NUP155: variants seen among roughly 807,000 people sequenced by gnomAD.
NUP155 encodes the protein nucleoporin 155.
In NUP155, 71 loss-of-function variants were observed where a neutral mutation model predicts 180.4. The ratio of observed to expected loss-of-function variants is 0.39; its 90% CI spans 0.33 to 0.48. The LOEUF (loss-of-function observed/expected upper bound fraction) is 0.48, where lower values mean the gene tolerates loss of function less well. Ranked by LOEUF, NUP155 falls within the 20% of genes least tolerant of loss-of-function variation. The probability of loss-of-function intolerance (pLI) is 0.91; values close to 1 mark genes in which losing one functional copy is unlikely to be tolerated. For synonymous variants in NUP155, 582 were observed against 559.5 expected, an observed-to-expected ratio of 1.04 and a Z score of -0.57; for missense variants, 1,553 against 1,648.9, an observed-to-expected ratio of 0.94 and a Z score of 1.01.
rs1747946023 is a variant in NUP155 at position 37,371,103 on chromosome 5, C to T, written c.-126G>A. 1.1e-6 allele frequency: 1 copy of T among 884,646 alleles called. No homozygotes were observed. Among genetic ancestry groups the T allele is most frequent in the Non-Finnish European group, 1.8e-6 (1 of 560,798 alleles). The allele number at this position is 884,646 out of a possible 1,614,324, so 54.8% of individuals were successfully genotyped here. A position where few individuals can be genotyped will look rare whatever the true frequency, so the allele number is the denominator to read the frequency against. ...GCGCCAAACGAGCGCCTTGGCGCCT[C>T]GACATGACGCACTTCCGCTTCATCC... On this transcript the variant is annotated 5_prime_UTR_variant, in exon 1 of 35. Transcript: ENST00000231498.
rs1407080363 is a variant in NUP155 at position 37,330,074 on chromosome 5, C to G, written c.1688G>C (p.Arg563Thr). 1 of 1,613,784 alleles carries G rather than the reference C, an allele frequency of 6.2e-7. No homozygotes were observed. Among genetic ancestry groups the G allele is most frequent in the Non-Finnish European group, 8.5e-7 (1 of 1,179,822 alleles). Reference protein sequence around the residue: ...ILACSTAACDREVSAWATRAF... With the variant: ...ILACSTAACDTEVSAWATRAF... ...CCGAGTAGCCCAGGCAGATACTTCTCTATCACAGGCAGCAGTGGAGCAAGC... is the reference window on the plus strand; with the variant it reads ...CCGAGTAGCCCAGGCAGATACTTCTGTATCACAGGCAGCAGTGGAGCAAGC... The change falls in exon 15 of 35, where the codon AGA (arginine) becomes ACA (threonine). Residue 563 changes from arginine to threonine, a missense_variant. By Grantham distance (71) the Arg-to-Thr change is moderately conservative (BLOSUM62 -1). Transcript: ENST00000231498.
chr5:37,364,411 A>G (rs1747416654), intron 1 of NUP155, 27 bp from the exon 2 acceptor site: 1 of 1,603,970 alleles, frequency 6.2e-7, no homozygotes, highest in Non-Finnish European at 8.5e-7. Flanking sequence ...AAGTATTTAT[A>G]ATAATGTACT....
chr5:37,365,738 A>AAAAAAAAT (rs1561818758), intron 1 of NUP155, among the ~76,000 whole-genome samples: 15 of 37,130 alleles, frequency 4.0e-4, no homozygotes, highest in Non-Finnish European at 5.0e-4. Flanking sequence ...AAAAAAAAAA[A>AAAAAAAAT]ATATATATAT....
Position 37,291,957 on chromosome 5 carries a change from T to C in NUP155, c.4119A>G (p.Val1373=), listed in dbSNP as rs1742253731. ...ELQSMSSSVA[V]QAITGNFKSL... Reference sequence around the variant, plus strand: ...ATTTAAAATTCCCAGTGATGGCTTGTACTGCTACTGACGAGCTCATAGACT... The same window carrying C: ...ATTTAAAATTCCCAGTGATGGCTTGCACTGCTACTGACGAGCTCATAGACT... The change falls in exon 35 of 35, where the codon GTA becomes GTG. Residue 1373 remains valine, a synonymous_variant. Transcript: ENST00000231498. The C allele has an allele frequency of 3.1e-6, 5 of 1,613,972 alleles. No individual in the cohort carries two copies. The highest frequency in any genetic ancestry group is 1.7e-5 in the Admixed American group (1 of 60,010).
rs918846693 is a variant in NUP155 at position 37,332,915 on chromosome 5, C to T, written c.1518+548G>A. Among the ~76,000 whole-genome samples the T allele has an allele frequency of 1.7e-4, 26 of 151,862 alleles. 1 individual carries two copies. The highest frequency in any genetic ancestry group is 5.6e-4 in the African/African-American group (23 of 41,354). ...GAGGTTGCCGTAAGCCAAGACTGTGCACCACACTCCAGCCTGGGTGACAGA... is the reference window on the plus strand; with the variant it reads ...GAGGTTGCCGTAAGCCAAGACTGTGTACCACACTCCAGCCTGGGTGACAGA... On this transcript the variant is annotated intron_variant, in intron 13 of 34. Coordinates refer to ENST00000231498, the MANE Select transcript of NUP155 (RefSeq NM_153485.3).
Position 37,317,989 on chromosome 5 carries a change from A to C in NUP155, c.2304T>G (p.His768Gln). 1 of 1,579,722 alleles carries C rather than the reference A, an allele frequency of 6.3e-7. No individual in the cohort carries two copies. The highest frequency in any genetic ancestry group is 8.7e-7 in the Non-Finnish European group (1 of 1,148,482). The change falls in exon 21 of 35, where the codon CAT becomes CAG. Residue 768 changes from histidine (H) to glutamine (Q), a missense_variant and splice_region_variant. Transcript: ENST00000231498. Reference sequence around the variant, plus strand: ...AACTGATGAGAAGCAATAATTTACCATGAAACTTCCTCTGCAGTTCCTGTT... The same window carrying C: ...AACTGATGAGAAGCAATAATTTACCCTGAAACTTCCTCTGCAGTTCCTGTT... Reference protein sequence around the residue: ...QMQQELQRKFHEAQLSEKISL... With the variant: ...QMQQELQRKFQEAQLSEKISL...
intron 29 of NUP155, 135 bp from the exon 30 acceptor site, chr5:37,301,685 A>G: frequency 2.9e-6 from 2 of 686,004 alleles, no homozygotes; most frequent in Non-Finnish European, 5.3e-6. Flanking sequence ...ATAATAGGCT[A>G]ATATTATCAT....
chr5:37,349,959 A>C (rs1682329336), intron 7 of NUP155, among the ~76,000 whole-genome samples: 1 of 152,212 alleles, frequency 6.6e-6, no homozygotes, highest in Non-Finnish European at 1.5e-5. Flanking sequence ...TTTATAGGAA[A>C]TAAGTAAACT....
chr5:37,337,619 T>G (rs554219037), intron 12 of NUP155, among the ~76,000 whole-genome samples, 199 bp downstream of exon 12: 1 of 152,256 alleles, frequency 6.6e-6, no homozygotes, highest in East Asian at 1.9e-4. Context: ...CTTTAAAGAT[T>G]TTTTTTGTGA....
intron 4 of NUP155, among the ~76,000 whole-genome samples, chr5:37,353,763 G>A (rs1198125171): frequency 6.6e-6 from 1 of 152,078 alleles, no homozygotes; most frequent in Non-Finnish European, 1.5e-5. Context: ...GACAAAAAGT[G>A]GAATGGTTAC....
Position 37,331,782 on chromosome 5 carries a change from A to C in NUP155, c.1532T>G (p.Phe511Cys). The C allele has an allele frequency of 6.2e-7, 1 of 1,606,968 alleles. No homozygotes were observed. The highest frequency in any genetic ancestry group is 1.1e-5 in the South Asian group (1 of 90,976). The change falls in exon 14 of 35, where the codon TTT becomes TGT. Residue 511 changes from phenylalanine (F) to cysteine (C), a missense_variant. Coordinates refer to ENST00000231498, the MANE Select transcript of NUP155 (RefSeq NM_153485.3). ...VLLSAQGSLMFHKLRPVDQLR... is the reference protein window; with the variant it reads ...VLLSAQGSLMCHKLRPVDQLR... ...TTGATCTACAGGTCTAAGTTTATGAAACATAAGGCTCCCCTAAGAAATTTG... is the reference window on the plus strand; with the variant it reads ...TTGATCTACAGGTCTAAGTTTATGACACATAAGGCTCCCCTAAGAAATTTG...
intron 18 of NUP155, 61 bp from the exon 19 acceptor site, chr5:37,326,028 T>G: frequency 5.0e-6 from 6 of 1,196,828 alleles, no homozygotes; most frequent in Non-Finnish European, 7.4e-6. Context: ...TACAATAAAT[T>G]TCTTTCTCTA....
chr5:37,292,136 G>GGTCTTTCCTCTCCTGT, intron 34 of NUP155, 98 bp from the exon 35 acceptor site: 1 of 1,138,294 alleles, frequency 8.8e-7, no homozygotes, highest in Non-Finnish European at 1.3e-6. Flanking sequence ...AATTCTCACA[G>GGTCTTTCCTCTCCTGT]GAGAGGAAAG....
intron 10 of NUP155, 120 bp from the exon 11 acceptor site, chr5:37,341,362 G>A (rs1272737636): frequency 7.9e-6 from 7 of 883,224 alleles, no homozygotes; most frequent in East Asian, 5.3e-5. Context: ...TAACTTTCCT[G>A]ACTAATTTTT....
At chr5:37,341,717 T>G (rs1027558523) in intron 10 of NUP155, among the ~76,000 whole-genome samples, 3 of 152,034 alleles carry the variant, frequency 2.0e-5, no homozygotes, top group African/African-American at 7.2e-5. Context: ...ATTTTTTGTG[T>G]TTTTAGTAGA....
Position 37,319,738 on chromosome 5 carries a change from G to A in NUP155, c.2208-1653C>T, listed in dbSNP as rs116783154. On this transcript the variant is annotated intron_variant, in intron 20 of 34. Transcript: ENST00000231498. ...ATAAAAAAATTAGCTGAGCATGGTA[G>A]CATGTGCCTGTAGTCCCAACTACTC... 1.3e-3 allele frequency among the ~76,000 whole-genome samples: 191 copies of A among 152,288 alleles called. 1 individual carries two copies. The highest frequency in any genetic ancestry group is 4.5e-3 in the African/African-American group (186 of 41,558).
chr5:37,349,315 T>C, intron 7 of NUP155, 70 bp from the exon 8 acceptor site: 1 of 490,402 alleles, frequency 2.0e-6, no homozygotes, highest in Non-Finnish European at 3.7e-6. Flanking sequence ...ATACATTAGC[T>C]AGTTACAACA....
chr5:37,294,225 CTAAG>C, intron 33 of NUP155, 100 bp downstream of exon 33: 1 of 780,894 alleles, frequency 1.3e-6, no homozygotes, highest in Admixed American at 2.4e-5. Context: ...TGTAATTAGA[CTAAG>C]TGATAGGATA....
rs1006817050 is a variant in NUP155, at chr5:37,307,412, C to T, written c.2788G>A (p.Val930Met). 2.1e-5 allele frequency: 34 copies of T among 1,613,934 alleles called. No individual in the cohort carries two copies. Among genetic ancestry groups the T allele is most frequent in the Non-Finnish European group, 2.8e-5 (33 of 1,179,948 alleles). Residue 930 changes from valine (V) to methionine (M), a missense_variant, in exon 25 of 35, where the codon GTG (valine) becomes ATG (methionine). By Grantham distance (21) the Val-to-Met change is conservative. Transcript: ENST00000231498. ...YRQVRFYEGV[V>M]ELSLTAAEKK... is the part of the protein sequence containing the mutation. ...TCTGCAGCCGTAAGAGAAAGTTCCA[C>T]CACACCCTCATAAAATCTCACTGAT...
Sources: gnomAD v4.1 joint callset for allele counts (sites outside exome capture counted in the v4.1 genomes callset) on GRCh38, gnomAD v4.1.1 for gene constraint, MANE v1.5 for transcripts, NCBI Gene and HGNC (gene_info 2026-07-23, HGNC 2026-07-21) for gene names.